The following TAOK3 variants were observed in gnomAD, a reference collection of about 807,000 sequenced individuals.
The protein encoded by TAOK3 is TAO kinase 3.
TAOK3 carries 40 observed loss-of-function variants against 120.4 expected under a neutral mutation model. The ratio of observed to expected loss-of-function variants is 0.33; its 90% confidence interval spans 0.26 to 0.43. The LOEUF is 0.43. Among genes scored for constraint, TAOK3 ranks in the 20% least tolerant of loss-of-function variants. TAOK3 has a pLI of 1.00. For synonymous variants in TAOK3, 355 were observed against 387.5 expected, an observed-to-expected ratio of 0.92 and a Z score of 0.99; for missense variants, 821 against 1,112.1, an observed-to-expected ratio of 0.74 and a Z score of 3.72.
At chr12:118,198,826 T>C (rs2037876576) in intron 13 of TAOK3, 1 of 560,318 alleles carries the variant, frequency 1.8e-6, no homozygotes. Flanking sequence ...TTATTGATGA[T>C]GATGGACATC....
intron 1 of TAOK3, among the ~76,000 whole-genome samples, chr12:118,267,153 T>C (rs926754727): frequency 6.6e-6 from 1 of 152,180 alleles, no homozygotes; most frequent in Non-Finnish European, 1.5e-5. Flanking sequence ...CATTGATTAC[T>C]CTACCTTTCC....
At chr12:118,185,044 G>A (rs539528807) in intron 14 of TAOK3, among the ~76,000 whole-genome samples, 1 of 151,622 alleles carries the variant, frequency 6.6e-6, no homozygotes, top group African/African-American at 2.4e-5. Context: ...CCTCCACTTA[G>A]TATTTCTGGT....
At chr12:118,174,950 C>A (rs1007763770) in intron 16 of TAOK3, among the ~76,000 whole-genome samples, 1 of 152,176 alleles carries the variant, frequency 6.6e-6, no homozygotes, top group East Asian at 1.9e-4. Flanking sequence ...GCATGAGCCA[C>A]CGTGCCCAGC....
At chr12:118,339,949 T>C (rs1202682964) in intron 1 of TAOK3, among the ~76,000 whole-genome samples, 2 of 152,194 alleles carry the variant, frequency 1.3e-5, no homozygotes, top group African/African-American at 2.4e-5. Context: ...TTTCACAAAA[T>C]CTTGCATGTT....
chr12:118,304,571 C>A (rs1388535384), intron 1 of TAOK3, among the ~76,000 whole-genome samples: 3 of 152,126 alleles, frequency 2.0e-5, no homozygotes, highest in Non-Finnish European at 4.4e-5. Context: ...AACAACTTTG[C>A]ATGGTTACAA....
chr12:118,155,252 T>C (rs956974867), intron 19 of TAOK3, among the ~76,000 whole-genome samples: 24 of 152,322 alleles, frequency 1.6e-4, no homozygotes, highest in Middle Eastern at 3.4e-3. Context: ...CGCCTCAGCC[T>C]CCCAAATTGC....
intron 1 of TAOK3, among the ~76,000 whole-genome samples, chr12:118,305,301 T>C (rs2043011277): frequency 6.6e-6 from 1 of 152,106 alleles, no homozygotes; most frequent in African/African-American, 2.4e-5. Context: ...ATCAACGTGG[T>C]GAAACCCTGT....
At chr12:118,151,508 A>G (rs1052996164) in intron 20 of TAOK3, among the ~76,000 whole-genome samples, 1 of 152,142 alleles carries the variant, frequency 6.6e-6, no homozygotes, top group African/African-American at 2.4e-5. Context: ...GGCTCATGAG[A>G]AGCTAAAAGA....
chr12:118,319,657 C>T (rs1332255897), intron 1 of TAOK3, among the ~76,000 whole-genome samples: 2 of 151,976 alleles, frequency 1.3e-5, no homozygotes, highest in African/African-American at 2.4e-5. Flanking sequence ...ATTTTATACT[C>T]ATTAAGATGA....
Position 118,217,702 on chromosome 12 carries a change from A to T in TAOK3, c.644-3592T>A, listed in dbSNP as rs942812544. Among the ~76,000 whole-genome samples, 145 of 141,100 alleles carry T rather than the reference A, an allele frequency of 1.0e-3. 2 individuals carry two copies. Among genetic ancestry groups the T allele is most frequent in the African/African-American group, 3.6e-3 (120 of 32,958 alleles). 92.6% of individuals were successfully genotyped at this position (141,100 alleles called of 152,430 possible). A position where few individuals can be genotyped will look rare whatever the true frequency, so the allele number is the denominator to read the frequency against. On this transcript the variant is annotated intron_variant, in intron 9 of 20. Coordinates refer to ENST00000392533, the MANE Select transcript of TAOK3 (RefSeq NM_016281.4). ...CCATCTCAAAAATAAAAAATAAATT[A>T]AAAAAAATGAAATATAGTAGTCTCT...
At chr12:118,362,706 G>T (rs2045635060) in intron 1 of TAOK3, among the ~76,000 whole-genome samples, 1 of 152,098 alleles carries the variant, frequency 6.6e-6, no homozygotes, top group African/African-American at 2.4e-5. Context: ...TATTTCAATT[G>T]TTGCTAATAG....
At chr12:118,154,776 G>A (rs987856915) in intron 19 of TAOK3, among the ~76,000 whole-genome samples, 1 of 152,040 alleles carries the variant, frequency 6.6e-6, no homozygotes, top group Non-Finnish European at 1.5e-5. Flanking sequence ...AGGTAAATAT[G>A]TCTGATCTTT....
At position 118,150,956 on chromosome 12, in the gene TAOK3, C is replaced by CTTTT. The variant is rs201481032; in HGVS notation, c.*37_*40dup. 1.5e-3 allele frequency: 1,836 copies of CTTTT among 1,254,964 alleles called. No homozygotes were observed. The highest frequency in any genetic ancestry group is 1.6e-3 in the Non-Finnish European group (1,520 of 943,392). The allele number at this position is 1,254,964 out of a possible 1,614,324, so 77.7% of individuals were successfully genotyped here. ...CAGGGTCTGAATTTTTTTCTGTTTT[C>CTTTT]TTTTTTTTTTTTTTTTTTGTAAATG... On this transcript the variant is annotated 3_prime_UTR_variant, in exon 21 of 21. Transcript: ENST00000392533.
intron 9 of TAOK3, among the ~76,000 whole-genome samples, chr12:118,224,039 C>T (rs1462435864): frequency 6.6e-6 from 1 of 152,216 alleles, no homozygotes; most frequent in Non-Finnish European, 1.5e-5. Flanking sequence ...ATGCCAGGCA[C>T]TCACTGCCTT....
intron 1 of TAOK3, among the ~76,000 whole-genome samples, chr12:118,337,886 C>G (rs2044431501): frequency 1.3e-5 from 2 of 152,098 alleles, no homozygotes; most frequent in African/African-American, 4.8e-5. Context: ...CCTAAATATA[C>G]ACACATGTAA....
In TAOK3 at chr12:118,289,313, A is replaced by G. The variant is rs1291115669; in HGVS notation, c.-193-22554T>C. ...GACTGTCTCAAAAAAAAAAAAAAAA[A>G]AAAAGAAAACAAAAGTGTTATTCTT... On this transcript the variant is annotated intron_variant, in intron 1 of 20. Transcript: ENST00000392533. 5.3e-5 allele frequency among the ~76,000 whole-genome samples: 8 copies of G among 150,518 alleles called. No individual in the cohort carries two copies. The South Asian group carries it at 1.5e-3, about 27-fold the overall frequency.
chr12:118,346,023 C>A (rs554782385), intron 1 of TAOK3, among the ~76,000 whole-genome samples: 2 of 152,016 alleles, frequency 1.3e-5, no homozygotes, highest in East Asian at 3.9e-4. Context: ...AATTACTATT[C>A]CTAAAAATAC....
chr12:118,174,312 A>G (rs951722662), intron 16 of TAOK3, among the ~76,000 whole-genome samples: 8 of 152,146 alleles, frequency 5.3e-5, no homozygotes, highest in African/African-American at 1.9e-4. Context: ...GCTTTACTTC[A>G]GAAAAAGTAA....
intron 1 of TAOK3, among the ~76,000 whole-genome samples, chr12:118,318,537 C>T (rs2043570042): frequency 6.6e-6 from 1 of 152,102 alleles, no homozygotes; most frequent in Non-Finnish European, 1.5e-5. Flanking sequence ...GGAGCTACCA[C>T]CTCACACCTG....
Sources: allele counts gnomAD v4.1 joint callset (sites outside exome capture counted in the v4.1 genomes callset), GRCh38; gene constraint gnomAD v4.1.1; transcripts MANE v1.5; gene names NCBI Gene and HGNC (gene_info 2026-07-23, HGNC 2026-07-21).